Variants in NBPF15 observed in about 807,000 individuals in gnomAD.
NBPF15 encodes NBPF family member NBPF15.
Under a neutral mutation model 62.2 loss-of-function variants are expected in NBPF15, and 74 were observed. The ratio of observed to expected loss-of-function variants is 1.19; its 90% confidence interval spans 0.99 to 1.44. The LOEUF (loss-of-function observed/expected upper bound fraction) is 1.44. NBPF15 is among the 40% of genes most tolerant of loss of function. NBPF15 has a pLI of 0.00. For missense variants in NBPF15, 790 were observed against 550.0 expected (o/e 1.44, Z -4.36); for synonymous variants, 244 against 209.7 (o/e 1.16, Z -1.41).
At chr1:144,427,430 C>T (rs1329661939) in intron 16 of NBPF15, among the ~76,000 whole-genome samples, 1 of 147,886 alleles carries the variant, frequency 6.8e-6, no homozygotes, top group Non-Finnish European at 1.5e-5. Context: ...CACTATTCAG[C>T]CCTGTCTCAT....
chr1:144,440,754 G>C (rs1381404866), intron 6 of NBPF15, among the ~76,000 whole-genome samples: 1 of 148,110 alleles, frequency 6.8e-6, no homozygotes, highest in African/African-American at 2.5e-5. Flanking sequence ...CCAGGTTCAC[G>C]CTATTCTCCT....
intron 19 of NBPF15, among the ~76,000 whole-genome samples, chr1:144,425,195 C>A (rs1189968316): frequency 5.3e-5 from 7 of 132,120 alleles, no homozygotes; most frequent in Admixed American, 5.3e-4. Context: ...GAGTTAGTGC[C>A]CTCAGGACAC....
chr1:144,439,413 C>A (rs587745393), intron 8 of NBPF15, among the ~76,000 whole-genome samples: 4 of 152,054 alleles, frequency 2.6e-5, no homozygotes, highest in Non-Finnish European at 4.4e-5. Context: ...TAGAACAGAG[C>A]TTTGCCTGTT....
At chr1:144,448,005 G>A (rs1553544669) in intron 6 of NBPF15, among the ~76,000 whole-genome samples, 2 of 152,048 alleles carry the variant, frequency 1.3e-5, no homozygotes, top group South Asian at 2.1e-4. Context: ...TCCAGACAGA[G>A]CCCACAAGCC....
At chr1:144,452,329 C>A (rs587753548) in intron 4 of NBPF15, among the ~76,000 whole-genome samples, 1 of 151,860 alleles carries the variant, frequency 6.6e-6, no homozygotes. Flanking sequence ...CAAGGAGAGC[C>A]ATAAACAGGA....
chr1:144,433,393 G>A (rs1402861684), intron 13 of NBPF15, among the ~76,000 whole-genome samples: 10 of 151,620 alleles, frequency 6.6e-5, no homozygotes, highest in Non-Finnish European at 1.2e-4. Flanking sequence ...TTAAAATAAC[G>A]AGAGAAGCAA....
intron 10 of NBPF15, among the ~76,000 whole-genome samples, chr1:144,436,284 G>A (rs1444522827): frequency 1.3e-5 from 2 of 152,002 alleles, no homozygotes; most frequent in African/African-American, 2.4e-5. Context: ...AAGCCTCCAA[G>A]TGGCTTCTGC....
chr1:144,441,717 G>T (rs1683043487), intron 6 of NBPF15, among the ~76,000 whole-genome samples: 1 of 151,348 alleles, frequency 6.6e-6, no homozygotes, highest in African/African-American at 2.4e-5. Flanking sequence ...TCAAGTTCAT[G>T]AAACTATTTC....
intron 4 of NBPF15, among the ~76,000 whole-genome samples, chr1:144,451,365 G>T (rs1257191027): frequency 6.6e-5 from 10 of 151,464 alleles, no homozygotes; most frequent in African/African-American, 2.4e-4. Flanking sequence ...GGGATGAGCA[G>T]GAGACAGATG....
At position 144,424,203 on chromosome 1, in the gene NBPF15, A is replaced by G. The variant is rs1404034653; in HGVS notation, c.1664-228T>C. On this transcript the variant is annotated intron_variant, in intron 20 of 21. Coordinates refer to ENST00000581897, the MANE Select transcript of NBPF15 (RefSeq NM_001385408.1). ...CCTATTCTAGTAGATCGTTATCCCA[A>G]TAACATTTGTCCCAAGTTTGTGCAA... Among the ~76,000 whole-genome samples the G allele has an allele frequency of 2.0e-5, 3 of 152,042 alleles. 1 individual carries two copies. The highest frequency in any genetic ancestry group is 4.4e-5 in the Non-Finnish European group (3 of 67,980).
In NBPF15 at chr1:144,422,910, C is replaced by T. The variant is rs1297960571; in HGVS notation, c.*103G>A. 52 of 1,609,862 alleles carry T rather than the reference C, an allele frequency of 3.2e-5. No individual in the cohort carries two copies. Among genetic ancestry groups the T allele is most frequent in the Non-Finnish European group, 4.2e-5 (50 of 1,178,830 alleles). On this transcript the variant is annotated 3_prime_UTR_variant, in exon 22 of 22. Coordinates refer to ENST00000581897, the MANE Select transcript of NBPF15 (RefSeq NM_001385408.1). ...AATAGAGCCATGCTCACTGACCCAT[C>T]CTATGTCTGGGCTTCCAAATGGAAC...
At chr1:144,423,782 C>T in intron 21 of NBPF15, 88 bp downstream of exon 21, 2 of 722,056 alleles carry the variant, frequency 2.8e-6, no homozygotes, top group South Asian at 1.5e-5. Flanking sequence ...TCGTTGAAAA[C>T]ATGACATCAA....
In NBPF15 at chr1:144,423,043, C is replaced by A. The variant is rs1188842417; in HGVS notation, c.1983G>T (p.Val661=). 1.2e-6 allele frequency: 2 copies of A among 1,611,510 alleles called. No homozygotes were observed. Among genetic ancestry groups the A allele is most frequent in the South Asian group, 1.1e-5 (1 of 90,978 alleles). ...FTLTVTSLHL[V]FQMGVIFPQ is the part of the protein sequence containing the mutation. ...GTGGGAATATGACTCCCATCTGGAA[C>A]ACCAGGTGGAGACTTGTCACCGTCA... Residue 661 remains valine (V), a synonymous_variant, in exon 22 of 22, where the codon GTG becomes GTT. Transcript: ENST00000581897.
intron 20 of NBPF15, 100 bp downstream of exon 20, chr1:144,424,590 A>T (rs1404134099): frequency 3.0e-6 from 2 of 656,592 alleles, no homozygotes; most frequent in Non-Finnish European, 5.4e-6. Context: ...CACTGCGGCA[A>T]TGACATCTCT....
rs150839897 is a variant in NBPF15 at position 144,460,026 on chromosome 1, C to CTTTTTTTTTTTTTT, written c.-818-557_-818-544dup. Among the ~76,000 whole-genome samples the CTTTTTTTTTTTTTT allele has an allele frequency of 1.0e-4, 2 of 19,536 alleles. 1 individual carries two copies. The highest frequency in any genetic ancestry group is 1.8e-4 in the Non-Finnish European group (2 of 10,980). The allele number at this position is 19,536 out of a possible 152,430, so 12.8% of individuals were successfully genotyped here. On this transcript the variant is annotated intron_variant, in intron 2 of 21. Transcript: ENST00000581897. ...ACTTGGTAAAAATTCATTACCTGTA[C>CTTTTTTTTTTTTTT]TTTTTTTTTTTTTTTTTTTTTTTTT...
intron 10 of NBPF15, among the ~76,000 whole-genome samples, chr1:144,436,470 G>A (rs1374484454): frequency 3.9e-5 from 6 of 151,958 alleles, no homozygotes; most frequent in Middle Eastern, 3.4e-3. Flanking sequence ...CCTTGCAAGA[G>A]ACAATTTGTC....
chr1:144,431,331 C>T (rs1376353032), intron 13 of NBPF15, among the ~76,000 whole-genome samples: 1,509 of 149,072 alleles, frequency 0.01, 25 homozygotes, highest in African/African-American at 0.037. Flanking sequence ...AGAGAAAGGT[C>T]GGATTACCCA....
intron 6 of NBPF15, chr1:144,442,871 T>C (rs17139737): frequency 0.012 from 2,424 of 209,140 alleles, 74 homozygotes; most frequent in African/African-American, 0.053. Context: ...ATCGGTGGAG[T>C]CCCCACCTTC....
chr1:144,452,268 C>T (rs1363940611), intron 4 of NBPF15, among the ~76,000 whole-genome samples: 6 of 151,916 alleles, frequency 3.9e-5, no homozygotes, highest in African/African-American at 1.5e-4. Context: ...CTTGTGCTCA[C>T]CAGACAAGGT....
Sources: gnomAD v4.1 joint callset for allele counts (sites outside exome capture counted in the v4.1 genomes callset) on GRCh38, gnomAD v4.1.1 for gene constraint, MANE v1.5 for transcripts, NCBI Gene and HGNC (gene_info 2026-07-23, HGNC 2026-07-21) for gene names.